CNTNAP5: variants seen among roughly 807,000 people sequenced by gnomAD.
The protein encoded by CNTNAP5 is contactin-associated protein-like 5.
In CNTNAP5, 72 loss-of-function variants were observed where a neutral mutation model predicts 150.2. The observed-to-expected ratio is 0.48, with a 90% confidence interval of 0.40 to 0.58. The LOEUF is 0.58. Among genes scored for constraint, CNTNAP5 ranks in the 20% least tolerant of loss-of-function variants. The pLI, the probability that CNTNAP5 is intolerant of heterozygous loss-of-function variation, is 0.00. For synonymous variants in CNTNAP5, 672 were observed against 619.8 expected (o/e 1.08, Z -1.25); for missense variants, 1,636 against 1,626.2 (o/e 1.01, Z -0.10).
chr2:124,303,901 G>C (rs1006231226), intron 3 of CNTNAP5, among the ~76,000 whole-genome samples: 6 of 152,108 alleles, frequency 3.9e-5, no homozygotes, highest in African/African-American at 1.4e-4. Flanking sequence ...GCATGATTTT[G>C]CATGCCAGTA....
At chr2:124,409,920 G>T (rs1164952122) in intron 3 of CNTNAP5, among the ~76,000 whole-genome samples, 1 of 150,694 alleles carries the variant, frequency 6.6e-6, no homozygotes, top group Non-Finnish European at 1.5e-5. Context: ...CCAATTAAAA[G>T]ACACAGACTG....
At chr2:124,110,693 A>C (rs527766416) in intron 1 of CNTNAP5, among the ~76,000 whole-genome samples, 1 of 152,280 alleles carries the variant, frequency 6.6e-6, no homozygotes, top group South Asian at 2.1e-4. Context: ...AGGCTCAAGT[A>C]GCTTAGGTAG....
At chr2:124,490,793 T>C in intron 7 of CNTNAP5, among the ~76,000 whole-genome samples, 1 of 152,094 alleles carries the variant, frequency 6.6e-6, no homozygotes, top group Non-Finnish European at 1.5e-5. Flanking sequence ...ACCGATTGTA[T>C]ATTTAAATAA....
At chr2:124,073,098 T>C (rs56808843) in intron 1 of CNTNAP5, among the ~76,000 whole-genome samples, 1,992 of 152,116 alleles carry the variant, frequency 0.013, 45 homozygotes, top group African/African-American at 0.045. Context: ...GCCAAGGACA[T>C]ACATTGGAGA....
At chr2:124,784,331 C>T (rs1427089506) in intron 17 of CNTNAP5, among the ~76,000 whole-genome samples, 3 of 152,140 alleles carry the variant, frequency 2.0e-5, no homozygotes, top group Non-Finnish European at 2.9e-5. Context: ...AGAGGCTCCG[C>T]GTTTGTGCTC....
At chr2:124,633,863 AC>A (rs1299253884) in intron 12 of CNTNAP5, among the ~76,000 whole-genome samples, 1 of 152,164 alleles carries the variant, frequency 6.6e-6, no homozygotes, top group East Asian at 1.9e-4. Flanking sequence ...TATGGCTCGC[AC>A]CCTTTGAAGC....
At chr2:124,131,245 T>C (rs1444927630) in intron 1 of CNTNAP5, among the ~76,000 whole-genome samples, 1 of 152,178 alleles carries the variant, frequency 6.6e-6, no homozygotes, top group East Asian at 1.9e-4. Flanking sequence ...TATCTCTGCC[T>C]TAGAGCCATA....
intron 3 of CNTNAP5, among the ~76,000 whole-genome samples, chr2:124,338,356 ATTTC>A (rs1689528672): frequency 6.6e-6 from 1 of 152,078 alleles, no homozygotes; most frequent in Non-Finnish European, 1.5e-5. Flanking sequence ...AATACCCTTT[ATTTC>A]TTTCTCCTGC....
rs567319450 is a variant in CNTNAP5, at chr2:124,502,154, A to G, written c.1063-2138A>G. Among the ~76,000 whole-genome samples, 14 of 152,302 alleles carry G rather than the reference A, an allele frequency of 9.2e-5. No homozygotes were observed. The South Asian group carries it at 1.9e-3, about 20-fold the overall frequency. On this transcript the variant is annotated intron_variant, in intron 7 of 23. Transcript: ENST00000682447. ...TTATCTTAATAGTGACAATCTCTGA[A>G]GGCATTTATTTAAAGCCCTTGCTCT... is the stretch of plus-strand genomic sequence containing the variant.
intron 13 of CNTNAP5, among the ~76,000 whole-genome samples, chr2:124,650,940 T>C (rs771753804): frequency 6.6e-6 from 1 of 152,202 alleles, no homozygotes; most frequent in Non-Finnish European, 1.5e-5. Flanking sequence ...TCAGGACAAA[T>C]TCCTTGAGGT....
At chr2:124,242,436 C>T in intron 3 of CNTNAP5, 43 bp downstream of exon 3, 1 of 1,537,358 alleles carries the variant, frequency 6.5e-7, no homozygotes, top group African/African-American at 1.4e-5. Context: ...CTGAGATGTG[C>T]TAATGGTAAC....
In CNTNAP5 at chr2:124,728,236, T is replaced by A. The variant is rs77319206; in HGVS notation, c.2078-18993T>A. ...CTTTTACATCTGTGTTCATCAGCGA[T>A]GTTGGCTGCAATTTTCTTTGCCCTT... On this transcript the variant is annotated intron_variant, in intron 13 of 23. Transcript: ENST00000682447. Among the ~76,000 whole-genome samples the A allele has an allele frequency of 3.0e-3, 451 of 152,204 alleles. 3 individuals carry two copies. Among genetic ancestry groups the A allele is most frequent in the African/African-American group, 0.01 (425 of 41,558 alleles).
At chr2:124,839,865 T>C (rs994734762) in intron 19 of CNTNAP5, among the ~76,000 whole-genome samples, 3 of 152,142 alleles carry the variant, frequency 2.0e-5, no homozygotes, top group African/African-American at 4.8e-5. Context: ...CTTTGCTAAA[T>C]GTGAGGGAAC....
At chr2:124,577,606 A>G (rs1696312839) in intron 11 of CNTNAP5, among the ~76,000 whole-genome samples, 1 of 152,202 alleles carries the variant, frequency 6.6e-6, no homozygotes, top group Admixed American at 6.5e-5. Flanking sequence ...ATTAGCAGGA[A>G]TGTGGGCAGA....
chr2:124,459,347 G>A (rs2420862), intron 6 of CNTNAP5, among the ~76,000 whole-genome samples: 142,252 of 152,232 alleles, frequency 0.93, 66,540 homozygotes, highest in East Asian at 1. Context: ...CCCTGTGGGA[G>A]GCCACCATGT....
intron 17 of CNTNAP5, among the ~76,000 whole-genome samples, chr2:124,777,054 G>A (rs1001511361): frequency 5.3e-4 from 80 of 151,826 alleles, no homozygotes; most frequent in African/African-American, 1.3e-3. Flanking sequence ...ACCTCTGAGC[G>A]CTAGCGGGCA....
intron 8 of CNTNAP5, among the ~76,000 whole-genome samples, chr2:124,506,881 C>A (rs1233597335): frequency 6.6e-6 from 1 of 152,308 alleles, no homozygotes; most frequent in African/African-American, 2.4e-5. Context: ...GGAGGAAGAT[C>A]TGCTTCCGCA....
intron 18 of CNTNAP5, among the ~76,000 whole-genome samples, chr2:124,791,693 C>CTT (rs538796535): frequency 6.2e-4 from 72 of 115,378 alleles, no homozygotes; most frequent in African/African-American, 1.5e-3. Context: ...AGCCTAATTT[C>CTT]TTTTTTTTTT....
At chr2:124,429,763 G>A (rs1692325047) in intron 4 of CNTNAP5, among the ~76,000 whole-genome samples, 2 of 152,184 alleles carry the variant, frequency 1.3e-5, no homozygotes, top group African/African-American at 4.8e-5. Flanking sequence ...AGCTCCAGTG[G>A]CTGAGCATGG....
Sources: allele counts gnomAD v4.1 joint callset (sites outside exome capture counted in the v4.1 genomes callset), GRCh38; gene constraint gnomAD v4.1.1; transcripts MANE v1.5; gene names NCBI Gene and HGNC (gene_info 2026-07-23, HGNC 2026-07-21).